The following PRC1 variants were observed in gnomAD, a reference collection of about 807,000 sequenced individuals.
PRC1 encodes anaphase spindle elongation 1 homolog.
In PRC1, 54 loss-of-function variants were observed where a neutral mutation model predicts 91.2. The observed-to-expected ratio is 0.59, with a 90% CI of 0.48 to 0.74. PRC1 has a LOEUF of 0.74. Ranked by LOEUF, PRC1 falls within the 30% of genes least tolerant of loss-of-function variation. PRC1 has a pLI of 0.00. For missense variants in PRC1, 727 were observed against 746.2 expected, an observed-to-expected ratio of 0.97 and a Z score of 0.30; for synonymous variants, 275 against 263.6, an observed-to-expected ratio of 1.04 and a Z score of -0.42.
intron 3 of PRC1, among the ~76,000 whole-genome samples, chr15:90,983,237 A>C (rs1170499846): frequency 6.6e-6 from 1 of 152,106 alleles, no homozygotes; most frequent in Non-Finnish European, 1.5e-5. Context: ...TCTCCCTCCT[A>C]AGCTAACTCC....
At chr15:90,987,627 T>G (rs1021374055) in intron 1 of PRC1, 1 of 152,222 alleles carries the variant, frequency 6.6e-6, no homozygotes, top group African/African-American at 2.4e-5. Flanking sequence ...TCCCTTTTCT[T>G]AGGTATAACA....
At chr15:90,978,795 A>C (rs1447961588) in intron 8 of PRC1, among the ~76,000 whole-genome samples, 1 of 132,608 alleles carries the variant, frequency 7.5e-6, no homozygotes, top group East Asian at 2.5e-4. Flanking sequence ...TCAGGGTGGG[A>C]GCTCTAGCAG....
intron 14 of PRC1, 35 bp downstream of exon 14, chr15:90,969,044 T>C (rs749611925): frequency 6.2e-7 from 1 of 1,613,798 alleles, no homozygotes; most frequent in East Asian, 2.2e-5. Context: ...ACAGATCAGT[T>C]TGGAAAAGGG....
chr15:90,972,512 G>A (rs1838099), intron 11 of PRC1, among the ~76,000 whole-genome samples: 2,195 of 152,306 alleles, frequency 0.014, 58 homozygotes, highest in African/African-American at 0.05. Flanking sequence ...GGAAGTCAAG[G>A]TGGGTGGATC....
chr15:90,970,887 G>A (rs2038061036), intron 11 of PRC1, among the ~76,000 whole-genome samples: 3 of 152,212 alleles, frequency 2.0e-5, no homozygotes, highest in South Asian at 4.1e-4. Flanking sequence ...GCTGGCAACA[G>A]CCAAATACCC....
In PRC1 at chr15:90,980,229, C is replaced by T; in HGVS notation, c.970+13G>A. On this transcript the variant is annotated intron_variant, in intron 7 of 14. Coordinates refer to ENST00000394249, the MANE Select transcript of PRC1 (RefSeq NM_003981.4). ...CCAAACAAACAAACCAAAGACCTCA[C>T]TCTTGTACTAACCAGCACAGAAAGG... The T allele has an allele frequency of 6.2e-7, 1 of 1,600,950 alleles. No homozygotes were observed. Among genetic ancestry groups the T allele is most frequent in the Non-Finnish European group, 8.5e-7 (1 of 1,175,898 alleles).
In PRC1 at chr15:90,981,662, C is replaced by T. The variant is rs936919322; in HGVS notation, c.509G>A (p.Arg170Lys). ...VTTLRETKAS[R>K]REEFVSIKRQ... ...CTTTATACTGACAAACTCCTCACGCCTAGAAGCCTTTAAAACAAAGCAATT... is the reference window on the plus strand; with the variant it reads ...CTTTATACTGACAAACTCCTCACGCTTAGAAGCCTTTAAAACAAAGCAATT... Residue 170 changes from arginine to lysine, a missense_variant, in exon 5 of 15, where the codon AGG becomes AAG. By Grantham distance (26) the Arg-to-Lys change is conservative. Coordinates refer to ENST00000394249, the MANE Select transcript of PRC1 (RefSeq NM_003981.4). 6.2e-7 allele frequency: 1 copy of T among 1,613,480 alleles called. No individual in the cohort carries two copies.
intron 8 of PRC1, among the ~76,000 whole-genome samples, chr15:90,977,748 T>G (rs2151503548): frequency 6.6e-6 from 1 of 152,080 alleles, no homozygotes; most frequent in Non-Finnish European, 1.5e-5. Flanking sequence ...CATGCCCGGC[T>G]AATTTTTTTG....
intron 1 of PRC1, among the ~76,000 whole-genome samples, chr15:90,991,817 G>A (rs559290784): frequency 6.6e-6 from 1 of 151,982 alleles, no homozygotes; most frequent in Non-Finnish European, 1.5e-5. Flanking sequence ...TCCCGGCTTC[G>A]AAGCTGGCCT....
intron 6 of PRC1, 161 bp from the exon 7 acceptor site, chr15:90,980,550 ACT>A (rs2039108232): frequency 5.9e-6 from 5 of 850,158 alleles, no homozygotes; most frequent in Admixed American, 3.5e-5. Flanking sequence ...ACAGGGTCTC[ACT>A]CTCTCGCCCA....
At chr15:90,968,740 G>A (rs1596270425) in intron 14 of PRC1, 2 of 1,149,856 alleles carry the variant, frequency 1.7e-6, no homozygotes, top group East Asian at 1.1e-4. Context: ...CACACAGCTG[G>A]GGCTCCCTTC....
Position 90,969,102 on chromosome 15 carries a change from CAGAG to C in PRC1, c.1764_1767del (p.Ser589ThrfsTer35). On this transcript the variant is annotated frameshift_variant, in exon 14 of 15. Coordinates refer to ENST00000394249, the MANE Select transcript of PRC1 (RefSeq NM_003981.4). LOFTEE classifies it high-confidence loss of function. ...ACCTGAAGCCCAACAGTGGAACTGT[CAGAG>C]AGGGACGGATCCTTCTAAGAACAAA... 6.2e-7 allele frequency: 1 copy of C among 1,613,844 alleles called. No homozygotes were observed. The highest frequency in any genetic ancestry group is 1.3e-5 in the African/African-American group (1 of 75,004).
At chr15:90,979,371 TA>T in intron 7 of PRC1, 77 bp from the exon 8 acceptor site, 1 of 1,463,650 alleles carries the variant, frequency 6.8e-7, no homozygotes, top group South Asian at 1.3e-5. Flanking sequence ...CCCGATTCCC[TA>T]AAATGGAAAT....
chr15:90,981,979 T>C lies in PRC1; in HGVS notation c.270A>G (p.Glu90=), dbSNP rs376583826. The C allele has an allele frequency of 2.5e-4, 406 of 1,612,786 alleles. No individual in the cohort carries two copies. The highest frequency in any genetic ancestry group is 2.3e-4 in the Non-Finnish European group (274 of 1,179,116). Residue 90 remains glutamate, a splice_region_variant and synonymous_variant, in exon 4 of 15, where the codon GAA becomes GAG. Coordinates refer to ENST00000394249, the MANE Select transcript of PRC1 (RefSeq NM_003981.4). ...GTTGCAAGATGGTCGTCTCTCCTTC[T>C]TCCTGAATAAGACAACGTACCACTG... ...CSELHVEPFQ[E]EGETTILQLE...
chr15:90,969,035 C>T (rs1261802013), intron 14 of PRC1, 44 bp downstream of exon 14: 1 of 1,613,722 alleles, frequency 6.2e-7, no homozygotes, highest in Admixed American at 1.7e-5. Flanking sequence ...CAGCAGATGA[C>T]AGATCAGTTT....
At chr15:90,973,975 T>C (rs2038420522) in intron 11 of PRC1, 161 bp downstream of exon 11, 1 of 613,580 alleles carries the variant, frequency 1.6e-6, no homozygotes, top group South Asian at 2.0e-5. Flanking sequence ...GGCCCACTGT[T>C]CTTTCTCTAT....
At chr15:90,983,992 C>T (rs775142280) in intron 3 of PRC1, 26 bp downstream of exon 3, 1 of 1,612,916 alleles carries the variant, frequency 6.2e-7, no homozygotes, top group Admixed American at 1.7e-5. Flanking sequence ...GACAGATCAC[C>T]AGAGACCCTG....
At chr15:90,992,964 C>T (rs2040062822) in intron 1 of PRC1, among the ~76,000 whole-genome samples, 1 of 138,892 alleles carries the variant, frequency 7.2e-6, no homozygotes, top group African/African-American at 2.7e-5. Context: ...GATCGATAAC[C>T]ATAATTAATT....
chr15:90,969,432 G>GA lies in PRC1; in HGVS notation c.1749+14dup. 6.3e-7 allele frequency: 1 copy of GA among 1,579,386 alleles called. No homozygotes were observed. Among genetic ancestry groups the GA allele is most frequent in the Non-Finnish European group, 8.6e-7 (1 of 1,159,640 alleles). On this transcript the variant is annotated intron_variant, in intron 13 of 14. Transcript: ENST00000394249. ...GCTCCCCAGAGACTGGTAGATATTA[G>GA]AAAAGGTGAATTACCGCAAACTCAG...
Sources: allele counts gnomAD v4.1 joint callset (sites outside exome capture counted in the v4.1 genomes callset), GRCh38; gene constraint gnomAD v4.1.1; transcripts MANE v1.5; gene names NCBI Gene and HGNC (gene_info 2026-07-23, HGNC 2026-07-21).